The following DGKI variants were observed in gnomAD, a reference collection of about 807,000 sequenced individuals.
DGKI encodes the protein DAG kinase iota.
A neutral mutation model predicts 147.5 loss-of-function variants in DGKI; 55 were observed. That is an observed-to-expected ratio of 0.37 (90% confidence interval 0.30 to 0.47). The LOEUF is 0.47. DGKI is among the 20% of genes least tolerant of loss of function. The pLI, the probability that DGKI is intolerant of heterozygous loss-of-function variation, is 1.00. For missense variants in DGKI, 1,007 were observed against 1,323.8 expected (o/e 0.76, Z 3.71); for synonymous variants, 469 against 477.1 (o/e 0.98, Z 0.22).
chr7:137,492,525 A>G (rs80016840), intron 21 of DGKI, among the ~76,000 whole-genome samples: 6,842 of 152,248 alleles, frequency 0.045, 489 homozygotes, highest in African/African-American at 0.16. Context: ...CAGGGAAGGA[A>G]TGACATACTC....
At chr7:137,565,887 A>T (rs757673103) in intron 19 of DGKI, among the ~76,000 whole-genome samples, 10 of 152,178 alleles carry the variant, frequency 6.6e-5, no homozygotes, top group Non-Finnish European at 1.0e-4. Context: ...CAGTAAAATG[A>T]ATTGAAGACT....
chr7:137,483,689 A>G (rs988124876), intron 23 of DGKI, among the ~76,000 whole-genome samples: 3 of 152,086 alleles, frequency 2.0e-5, no homozygotes, highest in African/African-American at 7.2e-5. Flanking sequence ...AAGTGACAAC[A>G]TGTGGTGTTT....
intron 26 of DGKI, among the ~76,000 whole-genome samples, 185 bp downstream of exon 26, chr7:137,465,723 T>C (rs1267553126): frequency 1.3e-5 from 2 of 152,234 alleles, no homozygotes; most frequent in East Asian, 3.8e-4. Flanking sequence ...GGTGTAAATC[T>C]GGTTTTGTGT....
At chr7:137,838,861 G>A (rs12113447) in intron 1 of DGKI, among the ~76,000 whole-genome samples, 2 of 152,230 alleles carry the variant, frequency 1.3e-5, no homozygotes, top group African/African-American at 4.8e-5. Context: ...AAATAATCCA[G>A]GGCAGGTAGC....
chr7:137,705,696 T>C (rs548997986), intron 1 of DGKI, among the ~76,000 whole-genome samples: 2 of 152,226 alleles, frequency 1.3e-5, no homozygotes, highest in South Asian at 4.1e-4. Context: ...CATTTAAATA[T>C]ACCTTAATAA....
intron 1 of DGKI, among the ~76,000 whole-genome samples, chr7:137,799,973 C>T (rs1474691815): frequency 6.6e-5 from 10 of 152,202 alleles, no homozygotes; most frequent in South Asian, 2.1e-4. Flanking sequence ...TTTTTCAGTA[C>T]GGTTCTCTCT....
intron 1 of DGKI, among the ~76,000 whole-genome samples, chr7:137,705,558 G>T (rs899543049): frequency 1.3e-5 from 2 of 152,128 alleles, no homozygotes; most frequent in African/African-American, 2.4e-5. Context: ...AACAGTGGTT[G>T]CTGAGTGGAG....
At chr7:137,434,467 G>C (rs1328934298) in intron 28 of DGKI, among the ~76,000 whole-genome samples, 1 of 152,066 alleles carries the variant, frequency 6.6e-6, no homozygotes, top group African/African-American at 2.4e-5. Context: ...TGTAATCCCA[G>C]CTACTCGGAA....
chr7:137,678,205 C>T lies in DGKI; in HGVS notation c.606+352G>A, dbSNP rs554123882. Among the ~76,000 whole-genome samples the T allele has an allele frequency of 3.3e-5, 5 of 152,228 alleles. 1 individual carries two copies. In the South Asian group the frequency reaches 1.0e-3, roughly 32 times the overall value. The stretch of plus-strand genomic sequence containing the variant: ...CCTACAGACAGAGCCCCTTCCTCCA[C>T]ACACAGGCCTTGGCCCCACACCAAC... On this transcript the variant is annotated intron_variant, in intron 3 of 32. Transcript: ENST00000614521.
At chr7:137,431,344 T>C (rs77951491) in intron 28 of DGKI, among the ~76,000 whole-genome samples, 3,019 of 152,210 alleles carry the variant, frequency 0.02, 47 homozygotes, top group Non-Finnish European at 0.031. Context: ...GAGTGGATTC[T>C]GGCAGATTTC....
chr7:137,529,100 T>G (rs1385375144), intron 20 of DGKI, among the ~76,000 whole-genome samples: 1 of 152,322 alleles, frequency 6.6e-6, no homozygotes, highest in East Asian at 1.9e-4. Context: ...ACAGAAATTA[T>G]TTTTTAAATT....
Position 137,465,931 on chromosome 7 carries a change from G to C in DGKI, c.2589C>G (p.Asp863Glu). 6.2e-7 allele frequency: 1 copy of C among 1,614,056 alleles called. No individual in the cohort carries two copies. The highest frequency in any genetic ancestry group is 1.1e-5 in the South Asian group (1 of 91,076). ...ACCCCGAGGCTTGTTCCACCACCAG[G>C]TCAGGCATGCCCGGAGGTGTCCCCG... ...QPAGTPPGMP[D>E]LVVEQASGIS... The change falls in exon 26 of 33, where the codon GAC (aspartate) becomes GAG (glutamate). Residue 863 changes from aspartate (D) to glutamate (E), a missense_variant. Coordinates refer to ENST00000614521, the MANE Select transcript of DGKI (RefSeq NM_001321708.2).
chr7:137,751,850 T>C (rs1378345136), intron 1 of DGKI, among the ~76,000 whole-genome samples: 2 of 152,202 alleles, frequency 1.3e-5, no homozygotes, highest in Non-Finnish European at 2.9e-5. Flanking sequence ...TGTCATTTTC[T>C]AACCCTTGCA....
At chr7:137,608,499 T>C (rs1188275083) in intron 10 of DGKI, among the ~76,000 whole-genome samples, 1 of 152,282 alleles carries the variant, frequency 6.6e-6, no homozygotes. Context: ...TTTTCTATAA[T>C]GTTGGTGGTA....
At chr7:137,420,752 C>A (rs544138386) in intron 28 of DGKI, among the ~76,000 whole-genome samples, 1 of 152,170 alleles carries the variant, frequency 6.6e-6, no homozygotes, top group Non-Finnish European at 1.5e-5. Context: ...AGCACTGTGG[C>A]CCACGCCTGT....
chr7:137,563,576 T>C (rs1818487790), intron 19 of DGKI, among the ~76,000 whole-genome samples: 1 of 151,998 alleles, frequency 6.6e-6, no homozygotes, highest in Non-Finnish European at 1.5e-5. Context: ...AATAAGTCAA[T>C]TTAGCAAAGT....
At chr7:137,540,761 CCAAAAA>C (rs1295516978) in intron 20 of DGKI, among the ~76,000 whole-genome samples, 948 of 35,500 alleles carry the variant, frequency 0.027, 40 homozygotes, top group African/African-American at 0.05. Context: ...AAAAACCCCC[CCAAAAA>C]AAAAAAAAAA....
In DGKI at chr7:137,806,439, C is replaced by CT. The variant is rs547951123; in HGVS notation, c.401+40022dup. 7.8e-3 allele frequency among the ~76,000 whole-genome samples: 1,175 copies of CT among 149,696 alleles called. 17 individuals carry two copies. The highest frequency in any genetic ancestry group is 0.027 in the African/African-American group (1,113 of 40,868). On this transcript the variant is annotated intron_variant, in intron 1 of 32. Coordinates refer to ENST00000614521, the MANE Select transcript of DGKI (RefSeq NM_001321708.2). ...AATATCAGAAACTGAACCTTTGCTT[C>CT]TTTTTTTTTTCTGAGACAGAGTCTT...
At chr7:137,610,353 T>G (rs1294845339) in intron 8 of DGKI, among the ~76,000 whole-genome samples, 1 of 152,216 alleles carries the variant, frequency 6.6e-6, no homozygotes. Context: ...CCCCCAAATT[T>G]ACTTTCCTTG....
Sources: gnomAD v4.1 joint callset for allele counts (sites outside exome capture counted in the v4.1 genomes callset) on GRCh38, gnomAD v4.1.1 for gene constraint, MANE v1.5 for transcripts, NCBI Gene and HGNC (gene_info 2026-07-23, HGNC 2026-07-21) for gene names.